Variants in SORCS2 observed in about 807,000 individuals in gnomAD.
SORCS2 encodes sortilin related VPS10 domain containing receptor 2, also known as VPS10 domain-containing receptor SorCS2.
A neutral mutation model predicts 141.6 loss-of-function variants in SORCS2; 100 were observed. The observed-to-expected ratio is 0.71, with a 90% CI of 0.60 to 0.83. The LOEUF is 0.83. Ranked by LOEUF, SORCS2 falls within the 40% of genes least tolerant of loss-of-function variation. The pLI is 0.00. For synonymous variants in SORCS2, 789 were observed against 676.9 expected, an observed-to-expected ratio of 1.17 and a Z score of -2.57; for missense variants, 1,646 against 1,560.2, an observed-to-expected ratio of 1.05 and a Z score of -0.93.
chr4:7,213,306 A>C (rs1473554584), intron 1 of SORCS2, among the ~76,000 whole-genome samples: 2 of 152,154 alleles, frequency 1.3e-5, no homozygotes, highest in Admixed American at 6.5e-5. Flanking sequence ...TATGGGATGA[A>C]GGGCACTGGG....
At chr4:7,625,082 A>G (rs1288352446) in intron 3 of SORCS2, among the ~76,000 whole-genome samples, 2 of 152,234 alleles carry the variant, frequency 1.3e-5, no homozygotes, top group African/African-American at 4.8e-5. Context: ...CTGGCCAAAG[A>G]GAAAAGGTTT....
At chr4:7,267,161 G>A (rs1488554518) in intron 1 of SORCS2, among the ~76,000 whole-genome samples, 1 of 138,026 alleles carries the variant, frequency 7.2e-6, no homozygotes, top group Non-Finnish European at 1.6e-5. Flanking sequence ...GACCACCAGG[G>A]ACGGGACAGA....
chr4:7,519,832 G>A lies in SORCS2; in HGVS notation c.549-11698G>A, dbSNP rs202152216. Among the ~76,000 whole-genome samples the A allele has an allele frequency of 7.9e-5, 12 of 151,442 alleles. No individual in the cohort carries two copies. The East Asian group carries it at 1.5e-3, about 19-fold the overall frequency. On this transcript the variant is annotated intron_variant, in intron 2 of 26. Coordinates refer to ENST00000507866, the MANE Select transcript of SORCS2 (RefSeq NM_020777.3). ...GAGGGCGCACATGGGGGCTTCTGCCGTGCTAGAGCAGCAGCTGCATTTCAG... is the reference window on the plus strand; with the variant it reads ...GAGGGCGCACATGGGGGCTTCTGCCATGCTAGAGCAGCAGCTGCATTTCAG...
chr4:7,222,127 C>CA (rs1014896258), intron 1 of SORCS2, among the ~76,000 whole-genome samples: 3 of 152,076 alleles, frequency 2.0e-5, no homozygotes, highest in African/African-American at 7.2e-5. Flanking sequence ...GTATGGGGGA[C>CA]AGAAAGTGTC....
At position 7,638,448 on chromosome 4, in the gene SORCS2, C is replaced by G; in HGVS notation, c.769C>G (p.Pro257Ala). 6.2e-7 allele frequency: 1 copy of G among 1,608,038 alleles called. No individual in the cohort carries two copies. Among genetic ancestry groups the G allele is most frequent in the Admixed American group, 1.7e-5 (1 of 59,104 alleles). The change falls in exon 4 of 27, where the codon CCT becomes GCT. Residue 257 changes from proline (P) to alanine (A), a missense_variant. Pro to Ala is a conservative substitution (Grantham distance 27, BLOSUM62 -1). Coordinates refer to ENST00000507866, the MANE Select transcript of SORCS2 (RefSeq NM_020777.3). ...PFFVETLIFH[P>A]KEEDKVLAYT... ...CTTCGTGGAAACTCTGATTTTCCAC[C>G]CTAAGGAGGAGGACAAGGTCCTCGC...
At chr4:7,366,293 T>C (rs78613566) in intron 1 of SORCS2, among the ~76,000 whole-genome samples, 3,462 of 151,952 alleles carry the variant, frequency 0.023, 107 homozygotes, top group East Asian at 0.098. Context: ...TTTAAACCTG[T>C]GTGGACAGTA....
chr4:7,302,038 G>T (rs1475873531), intron 1 of SORCS2, among the ~76,000 whole-genome samples: 2 of 152,238 alleles, frequency 1.3e-5, no homozygotes, highest in Non-Finnish European at 2.9e-5. Flanking sequence ...GTTGGGCAGT[G>T]GGTGGGTAGG....
rs1233611644 is a variant in SORCS2 at position 7,721,144 on chromosome 4, C to G, written c.2425-2553C>G. Among the ~76,000 whole-genome samples, 3 of 152,334 alleles carry G rather than the reference C, an allele frequency of 2.0e-5. No individual in the cohort carries two copies. The East Asian group carries it at 5.8e-4, about 29-fold the overall frequency. ...GGTGCCCCCATGCTGAGATACCATG[C>G]TGCAGTGAGAAGGAATCCATTATTA... On this transcript the variant is annotated intron_variant, in intron 18 of 26. Coordinates refer to ENST00000507866, the MANE Select transcript of SORCS2 (RefSeq NM_020777.3).
At chr4:7,556,027 G>A (rs1316613346) in intron 3 of SORCS2, among the ~76,000 whole-genome samples, 1 of 152,228 alleles carries the variant, frequency 6.6e-6, no homozygotes, top group Non-Finnish European at 1.5e-5. Context: ...ACATCGCGAT[G>A]CTCATTGACT....
chr4:7,517,030 G>A (rs942191251), intron 2 of SORCS2, among the ~76,000 whole-genome samples: 1 of 152,286 alleles, frequency 6.6e-6, no homozygotes, highest in African/African-American at 2.4e-5. Flanking sequence ...GAGCTAACGC[G>A]TCCAGCATAC....
intron 3 of SORCS2, among the ~76,000 whole-genome samples, chr4:7,630,755 A>G (rs1195964762): frequency 6.6e-6 from 1 of 152,190 alleles, no homozygotes; most frequent in Non-Finnish European, 1.5e-5. Flanking sequence ...TGGAGGCTGC[A>G]GTGTTTGTTC....
At chr4:7,427,158 G>A (rs901234977) in intron 2 of SORCS2, among the ~76,000 whole-genome samples, 2 of 152,114 alleles carry the variant, frequency 1.3e-5, no homozygotes, top group Non-Finnish European at 1.5e-5. Flanking sequence ...CCAGGGTAGC[G>A]TTAATGGCAG....
chr4:7,397,101 T>G (rs1264451338), intron 2 of SORCS2, among the ~76,000 whole-genome samples: 1 of 152,234 alleles, frequency 6.6e-6, no homozygotes, highest in African/African-American at 2.4e-5. Context: ...TTCCAACATA[T>G]GTTTCTCAAG....
rs1314057532 is a variant in SORCS2, at chr4:7,694,174, G to T, written c.1592-3024G>T. 2.0e-5 allele frequency among the ~76,000 whole-genome samples: 3 copies of T among 152,228 alleles called. No homozygotes were observed. The East Asian group carries it at 5.8e-4, about 29-fold the overall frequency. On this transcript the variant is annotated intron_variant, in intron 11 of 26. Coordinates refer to ENST00000507866, the MANE Select transcript of SORCS2 (RefSeq NM_020777.3). Reference sequence around the variant, plus strand: ...TGGAGAGGAAGCATGTCTTCATTCAGTGAGCACTGACTCCTACCACTCTGC... The same window carrying T: ...TGGAGAGGAAGCATGTCTTCATTCATTGAGCACTGACTCCTACCACTCTGC...
At chr4:7,390,966 C>T (rs1173689385) in intron 1 of SORCS2, among the ~76,000 whole-genome samples, 2 of 152,192 alleles carry the variant, frequency 1.3e-5, no homozygotes, top group African/African-American at 2.4e-5. Context: ...CCAGTGACCA[C>T]TCAGGGAGGA....
chr4:7,709,092 G>A (rs1344028144), intron 14 of SORCS2, among the ~76,000 whole-genome samples: 1 of 152,210 alleles, frequency 6.6e-6, no homozygotes, highest in African/African-American at 2.4e-5. Flanking sequence ...GAGTGAGGGA[G>A]GAAGGGAGTC....
chr4:7,496,201 G>A (rs1003426982), intron 2 of SORCS2, among the ~76,000 whole-genome samples: 1 of 152,170 alleles, frequency 6.6e-6, no homozygotes, highest in African/African-American at 2.4e-5. Flanking sequence ...CTGACTCCCT[G>A]TCTATCACCC....
At chr4:7,270,411 C>T (rs1208418585) in intron 1 of SORCS2, among the ~76,000 whole-genome samples, 2 of 152,250 alleles carry the variant, frequency 1.3e-5, no homozygotes, top group African/African-American at 4.8e-5. Flanking sequence ...GGGAAGCCAC[C>T]TGTGCTGGCC....
intron 2 of SORCS2, among the ~76,000 whole-genome samples, chr4:7,451,294 C>T (rs543795150): frequency 2.2e-4 from 34 of 152,344 alleles, no homozygotes; most frequent in Admixed American, 4.6e-4. Flanking sequence ...GCAGCAGCAG[C>T]GGCAGTGGGG....
Sources: gnomAD v4.1 joint callset for allele counts (sites outside exome capture counted in the v4.1 genomes callset) on GRCh38, gnomAD v4.1.1 for gene constraint, MANE v1.5 for transcripts, NCBI Gene and HGNC (gene_info 2026-07-23, HGNC 2026-07-21) for gene names.